Variants in AAMDC observed in about 807,000 individuals in gnomAD.
The protein encoded by AAMDC is adipogenesis associated Mth938 domain containing, also known as mth938 domain-containing protein.
In AAMDC, 16 loss-of-function variants were observed where a neutral mutation model predicts 15.5. The ratio of observed to expected loss-of-function variants is 1.03; its 90% confidence interval spans 0.70 to 1.57. The LOEUF is 1.57. Among genes scored for constraint, AAMDC ranks in the 40% most tolerant of loss-of-function variants. The probability of loss-of-function intolerance (pLI) is 0.00; values close to 1 mark genes in which losing one functional copy is unlikely to be tolerated. For synonymous variants in AAMDC, 51 were observed against 51.6 expected, an observed-to-expected ratio of 0.99 and a Z score of 0.05; for missense variants, 141 against 144.9, an observed-to-expected ratio of 0.97 and a Z score of 0.14.
intron 5 of AAMDC, among the ~76,000 whole-genome samples, chr11:77,898,582 C>A (rs1394230682): frequency 6.6e-6 from 1 of 152,188 alleles, no homozygotes; most frequent in Non-Finnish European, 1.5e-5. Flanking sequence ...ACCATAAATT[C>A]TGTTTAACTT....
intron 1 of AAMDC, among the ~76,000 whole-genome samples, chr11:77,822,434 AAG>A (rs1555004652): frequency 2.0e-5 from 3 of 151,272 alleles, no homozygotes; most frequent in Non-Finnish European, 2.9e-5. Flanking sequence ...AAAAAAAAAA[AAG>A]AATTTGAAGC....
intron 1 of AAMDC, chr11:77,829,775 T>C (rs1016617145): frequency 1.3e-5 from 2 of 152,162 alleles, no homozygotes; most frequent in Non-Finnish European, 2.9e-5. Flanking sequence ...ATTAAAAACT[T>C]GTGTGCTTTA....
intron 2 of AAMDC, among the ~76,000 whole-genome samples, chr11:77,865,590 G>A (rs1216300158): frequency 6.6e-6 from 1 of 152,210 alleles, no homozygotes; most frequent in Admixed American, 6.6e-5. Flanking sequence ...TACAGAAAAC[G>A]GAGTGTCTAG....
rs567324184 is a variant in AAMDC at position 77,893,618 on chromosome 11, G to A, written c.329-6953G>A. On this transcript the variant is annotated intron_variant, in intron 5 of 5. Transcript: ENST00000304716. ...AAAAAATAATAATGAGGTCAGACAC[G>A]GCGGTGGCTCACGCCTGTAATCCCA... Among the ~76,000 whole-genome samples, 34 of 151,850 alleles carry A rather than the reference G, an allele frequency of 2.2e-4. No homozygotes were observed. In the East Asian group the frequency reaches 5.8e-3, roughly 26 times the overall value.
chr11:77,896,509 G>A (rs575688030), intron 5 of AAMDC, among the ~76,000 whole-genome samples: 9 of 152,102 alleles, frequency 5.9e-5, no homozygotes, highest in South Asian at 2.1e-4. Context: ...AAAATTAGCC[G>A]GGTACAGTGG....
chr11:77,827,944 C>G (rs1231201477), intron 1 of AAMDC, among the ~76,000 whole-genome samples: 1 of 152,116 alleles, frequency 6.6e-6, no homozygotes, highest in Non-Finnish European at 1.5e-5. Context: ...ACTCAAAAAT[C>G]CTGTGTTATT....
At chr11:77,833,009 A>ATATATTT (rs372585188) in intron 1 of AAMDC, among the ~76,000 whole-genome samples, 9 of 60,022 alleles carry the variant, frequency 1.5e-4, no homozygotes, top group African/African-American at 5.6e-4. Context: ...ATATATATAT[A>ATATATTT]TTTTTTTTTT....
intron 1 of AAMDC, among the ~76,000 whole-genome samples, chr11:77,839,722 G>A (rs1228023767): frequency 6.6e-6 from 1 of 152,124 alleles, no homozygotes; most frequent in Admixed American, 6.6e-5. Flanking sequence ...CACAGGAACA[G>A]AAAACTGAAC....
intron 1 of AAMDC, among the ~76,000 whole-genome samples, chr11:77,838,761 C>T (rs1266745975): frequency 7.9e-5 from 12 of 151,864 alleles, no homozygotes; most frequent in East Asian, 3.9e-4. Flanking sequence ...AGACTACAGG[C>T]GCCCACCACT....
chr11:77,904,641 T>C (rs1952886403), downstream of AAMDC, among the ~76,000 whole-genome samples: 1 of 152,180 alleles, frequency 6.6e-6, no homozygotes, highest in South Asian at 2.1e-4. Context: ...AGATAAAAAC[T>C]ATAGGAATTT....
Position 77,832,949 on chromosome 11 carries a change from ATATGTGTGTGTGTG to A in AAMDC, c.-18-9528_-18-9515del, listed in dbSNP as rs768137548. Among the ~76,000 whole-genome samples the A allele has an allele frequency of 7.4e-3, 711 of 96,016 alleles. 17 individuals are homozygous for A. Among genetic ancestry groups the A allele is most frequent in the African/African-American group, 0.013 (269 of 20,960 alleles). 63.0% of individuals were successfully genotyped at this position (96,016 alleles called of 152,430 possible). A position where few individuals can be genotyped will look rare whatever the true frequency, so the allele number is the denominator to read the frequency against. On this transcript the variant is annotated intron_variant, in intron 1 of 3. Coordinates refer to ENST00000393427, the MANE Select transcript of AAMDC (RefSeq NM_024684.4). Reference sequence around the variant, plus strand: ...TTATTGTGCACTTTATTGTATATATATATGTGTGTGTGTGTGTGTGTGTGTGTGTGTGTGTGTGT... The same window carrying A: ...TTATTGTGCACTTTATTGTATATATATGTGTGTGTGTGTGTGTGTGTGTGT...
intron 2 of AAMDC, among the ~76,000 whole-genome samples, chr11:77,845,015 TTCTC>T (rs1034166621): frequency 5.3e-5 from 8 of 152,210 alleles, no homozygotes; most frequent in Non-Finnish European, 1.0e-4. Context: ...GTTGAGTTGC[TTCTC>T]TCTAACTGCT....
At chr11:77,850,410 GT>G (rs1189387368) in intron 2 of AAMDC, among the ~76,000 whole-genome samples, 7 of 152,070 alleles carry the variant, frequency 4.6e-5, no homozygotes, top group Admixed American at 1.3e-4. Flanking sequence ...CTTTCCTTCT[GT>G]TTTATACTGC....
rs576687725 is a variant in AAMDC, at chr11:77,881,818, C to T, written c.328+4769C>T. On this transcript the variant is annotated intron_variant, in intron 5 of 5. Coordinates refer to the AAMDC transcript ENST00000304716. ...TGTGAAAACACATCTGAAACCAGTA[C>T]GCACTATATATAAACAATTAAAACA... 9.2e-5 allele frequency among the ~76,000 whole-genome samples: 14 copies of T among 151,894 alleles called. No homozygotes were observed. The South Asian group carries it at 2.1e-3, about 23-fold the overall frequency.
At chr11:77,874,878 A>G (rs1444786789), downstream of AAMDC, among the ~76,000 whole-genome samples, 1 of 152,160 alleles carries the variant, frequency 6.6e-6, no homozygotes, top group Non-Finnish European at 1.5e-5. Flanking sequence ...CTCTACTAAA[A>G]ATACAAAAAT....
At chr11:77,869,306 C>CTCTTTTTTTTTTTTTTTTTTTT (rs1555014194) in intron 2 of AAMDC, 2 of 120,372 alleles carry the variant, frequency 1.7e-5, no homozygotes, top group Non-Finnish European at 1.8e-5. Flanking sequence ...TTATTTATCT[C>CTCTTTTTTTTTTTTTTTTTTTT]TTTTTCTTTT....
chr11:77,844,613 T>C (rs1950067976), intron 2 of AAMDC, among the ~76,000 whole-genome samples: 1 of 152,236 alleles, frequency 6.6e-6, no homozygotes, highest in South Asian at 2.1e-4. Context: ...CCTCCCACCT[T>C]GGCCTCCCAA....
chr11:77,844,353 GT>G (rs1185986249), intron 2 of AAMDC, among the ~76,000 whole-genome samples: 1 of 151,870 alleles, frequency 6.6e-6, no homozygotes, highest in African/African-American at 2.4e-5. Flanking sequence ...TTTTTTTACA[GT>G]TTTTTCTTTC....
intron 5 of AAMDC, among the ~76,000 whole-genome samples, chr11:77,897,420 GATT>G (rs1485306908): frequency 6.6e-6 from 1 of 151,136 alleles, no homozygotes; most frequent in Non-Finnish European, 1.5e-5. Flanking sequence ...AACTTTAAAA[GATT>G]ATATTTATAA....
Sources: allele counts gnomAD v4.1 joint callset (sites outside exome capture counted in the v4.1 genomes callset), GRCh38; gene constraint gnomAD v4.1.1; transcripts MANE v1.5; gene names NCBI Gene and HGNC (gene_info 2026-07-23, HGNC 2026-07-21).